RSPH4A: variants seen among roughly 807,000 people sequenced by gnomAD.
The protein encoded by RSPH4A is radial spoke head protein 4 homolog A.
A neutral mutation model predicts 71.0 loss-of-function variants in RSPH4A; 47 were observed. The ratio of observed to expected loss-of-function variants is 0.66; its 90% CI spans 0.52 to 0.84. The LOEUF (loss-of-function observed/expected upper bound fraction) is 0.84. Ranked by LOEUF, RSPH4A falls within the 40% of genes least tolerant of loss-of-function variation. The pLI, the probability that RSPH4A is intolerant of heterozygous loss-of-function variation, is 0.00. For synonymous variants in RSPH4A, 282 were observed against 302.3 expected, an observed-to-expected ratio of 0.93 and a Z score of 0.70; for missense variants, 793 against 855.2, an observed-to-expected ratio of 0.93 and a Z score of 0.91.
At position 116,632,297 on chromosome 6, in the gene RSPH4A, C is replaced by A; in HGVS notation, c.2007C>A (p.Tyr669Ter). The A allele has an allele frequency of 6.2e-7, 1 of 1,613,344 alleles. No homozygotes were observed. Among genetic ancestry groups the A allele is most frequent in the Non-Finnish European group, 8.5e-7 (1 of 1,179,894 alleles). ...TTCCACCACCAGTTTATCAAGAATA[C>A]CCCAGTGGACCAGAAATTACAGAAA... is the stretch of plus-strand genomic sequence containing the variant. ...PPVPPPVYQEYPSGPEITEMD... is the reference protein window; with the variant it reads ...PPVPPPVYQE Residue 669 changes from tyrosine to a stop codon, truncating the protein, a stop_gained, in exon 6 of 6, where the codon TAC becomes TAA. Transcript: ENST00000229554. LOFTEE classifies it high-confidence loss of function.
intron 2 of RSPH4A, 108 bp downstream of exon 2, chr6:116,623,110 G>GTT: frequency 1.3e-6 from 1 of 756,708 alleles, no homozygotes; most frequent in South Asian, 1.6e-5. Context: ...GTTTTGTTTT[G>GTT]TTTTGTTTTG....
intron 3 of RSPH4A, among the ~76,000 whole-genome samples, chr6:116,628,592 CTT>C (rs1022298250): frequency 1.1e-4 from 17 of 152,124 alleles, no homozygotes; most frequent in African/African-American, 3.9e-4. Flanking sequence ...TCCAAACAGA[CTT>C]TATTTTCTAT....
At position 116,617,324 on chromosome 6, in the gene RSPH4A, G is replaced by A; in HGVS notation, c.686+15G>A. 1.3e-6 allele frequency: 2 copies of A among 1,594,450 alleles called. No homozygotes were observed. Among genetic ancestry groups the A allele is most frequent in the Non-Finnish European group, 1.7e-6 (2 of 1,167,998 alleles). ...GGCTTTAATCTGTAAGTCTCAGAGG[G>A]AAAAAAGATAAATGTTTGGCAAAGC... On this transcript the variant is annotated intron_variant, in intron 1 of 5. Coordinates refer to ENST00000229554, the MANE Select transcript of RSPH4A (RefSeq NM_001010892.3).
At chr6:116,622,739 A>G (rs770339108) in intron 1 of RSPH4A, 29 bp from the exon 2 acceptor site, 1 of 1,354,998 alleles carries the variant, frequency 7.4e-7, no homozygotes, top group South Asian at 1.2e-5. Context: ...TGACATGTAT[A>G]TTATCTGGAA....
rs1775620292 is a variant in RSPH4A, at chr6:116,622,109, T to C, written c.687-659T>C. ...ATCACATTTCAATAAAGGTAAGTAA[T>C]ATTTAATGGCTTTTTTTGTTGTGTG... On this transcript the variant is annotated intron_variant, in intron 1 of 5. Coordinates refer to ENST00000229554, the MANE Select transcript of RSPH4A (RefSeq NM_001010892.3). Among the ~76,000 whole-genome samples, 3 of 152,244 alleles carry C rather than the reference T, an allele frequency of 2.0e-5. No individual in the cohort carries two copies. The South Asian group carries it at 6.2e-4, about 32-fold the overall frequency.
chr6:116,622,784 A>G lies in RSPH4A; in HGVS notation c.703A>G (p.Asn235Asp), dbSNP rs1775630410. The stretch of plus-strand genomic sequence containing the variant: ...TTTGGATAGATATGATCATCTTTCT[A>G]ATATGTTGACCAAGATATTAAATGA... ...SGFNLYDHLS[N>D]MLTKILNERP... Residue 235 changes from asparagine to aspartate, a missense_variant, in exon 2 of 6, where the codon AAT becomes GAT. Physicochemically the swap from Asn to Asp is conservative, Grantham distance 23. Transcript: ENST00000229554. The G allele has an allele frequency of 6.3e-7, 1 of 1,597,964 alleles. No individual in the cohort carries two copies. The highest frequency in any genetic ancestry group is 8.6e-7 in the Non-Finnish European group (1 of 1,165,526).
chr6:116,624,719 A>C (rs557888334), intron 2 of RSPH4A, among the ~76,000 whole-genome samples: 1 of 152,318 alleles, frequency 6.6e-6, no homozygotes, highest in Admixed American at 6.5e-5. Context: ...TAGAGTGTTC[A>C]CGTTTTTATT....
At chr6:116,623,464 CT>C (rs2115357115) in intron 2 of RSPH4A, among the ~76,000 whole-genome samples, 1 of 152,278 alleles carries the variant, frequency 6.6e-6, no homozygotes, top group East Asian at 1.9e-4. Flanking sequence ...TCTTTTCACA[CT>C]ACTCATTTCC....
intron 4 of RSPH4A, 140 bp from the exon 5 acceptor site, chr6:116,630,295 G>A (rs1180592760): frequency 1.7e-5 from 12 of 725,066 alleles, no homozygotes; most frequent in Non-Finnish European, 2.5e-5. Flanking sequence ...AGTTGCTGCT[G>A]TTTTTTCTTT....
At chr6:116,625,184 G>A (rs542844511) in intron 2 of RSPH4A, among the ~76,000 whole-genome samples, 1 of 152,280 alleles carries the variant, frequency 6.6e-6, no homozygotes, top group Admixed American at 6.5e-5. Flanking sequence ...TTGACAACAC[G>A]ATAAATGACA....
At chr6:116,631,815 C>G (rs1775809667) in intron 5 of RSPH4A, among the ~76,000 whole-genome samples, 1 of 152,192 alleles carries the variant, frequency 6.6e-6, no homozygotes, top group Non-Finnish European at 1.5e-5. Context: ...AGGTTTCTAA[C>G]CACAAGCCCA....
rs151279930 is a variant in RSPH4A at position 116,617,262 on chromosome 6, T to C, written c.639T>C (p.Asn213=). 19 of 1,613,850 alleles carry C rather than the reference T, an allele frequency of 1.2e-5. No individual in the cohort carries two copies. Among genetic ancestry groups the C allele is most frequent in the Non-Finnish European group, 1.6e-5 (19 of 1,179,892 alleles). The change falls in exon 1 of 6, where the codon AAT becomes AAC. Residue 213 remains asparagine, a synonymous_variant. Transcript: ENST00000229554. ...GCATGCTTGAGATCACCATTCAGAA[T>C]GCTAAGGCTTACCTGCTGAAGACTA... ...APSMLEITIQ[N]AKAYLLKTSS...
rs751056318 is a variant in RSPH4A, at chr6:116,632,195, TCTTA to T, written c.1917-7_1917-4del. 3 of 1,582,182 alleles carry T rather than the reference TCTTA, an allele frequency of 1.9e-6. No individual in the cohort carries two copies. Among genetic ancestry groups the T allele is most frequent in the Admixed American group, 1.7e-5 (1 of 58,766 alleles). Reference sequence around the variant, plus strand: ...AATGATCTTTTTTTCTTCTTCTTTTTCTTACTTATAGAAAGTTTGAAAATTTCTA... The same window carrying T: ...AATGATCTTTTTTTCTTCTTCTTTTTCTTATAGAAAGTTTGAAAATTTCTA... On this transcript the variant is annotated splice_region_variant and splice_polypyrimidine_tract_variant and intron_variant, in intron 5 of 5. Transcript: ENST00000229554.
chr6:116,631,611 C>G (rs977136990), intron 5 of RSPH4A, among the ~76,000 whole-genome samples: 1 of 152,144 alleles, frequency 6.6e-6, no homozygotes, highest in African/African-American at 2.4e-5. Context: ...TGCTGAAGGC[C>G]TCAGATAAAG....
At chr6:116,628,494 ATAAT>A in intron 3 of RSPH4A, 125 bp downstream of exon 3, 1 of 771,146 alleles carries the variant, frequency 1.3e-6, no homozygotes, top group South Asian at 1.7e-5. Context: ...AGGAAAAGAG[ATAAT>A]TAAAAACACA....
chr6:116,622,467 T>A (rs949138588), intron 1 of RSPH4A, among the ~76,000 whole-genome samples: 2 of 152,186 alleles, frequency 1.3e-5, no homozygotes, highest in Non-Finnish European at 2.9e-5. Context: ...ATTGGAATCA[T>A]TTCCTAAGGA....
At chr6:116,619,529 G>C (rs931803280) in intron 1 of RSPH4A, among the ~76,000 whole-genome samples, 1 of 151,884 alleles carries the variant, frequency 6.6e-6, no homozygotes, top group Non-Finnish European at 1.5e-5. Context: ...GATCTATTGG[G>C]GTGCTTCCTG....
chr6:116,631,945 C>T (rs1775811190), intron 5 of RSPH4A, among the ~76,000 whole-genome samples: 1 of 151,182 alleles, frequency 6.6e-6, no homozygotes, highest in African/African-American at 2.4e-5. Context: ...AAGGCTTTTG[C>T]TTGTGGTCTA....
In RSPH4A at chr6:116,632,278, C is replaced by A; in HGVS notation, c.1988C>A (p.Pro663Gln). The A allele has an allele frequency of 6.2e-7, 1 of 1,612,880 alleles. No homozygotes were observed. Among genetic ancestry groups the A allele is most frequent in the Admixed American group, 1.7e-5 (1 of 59,988 alleles). The change falls in exon 6 of 6, where the codon CCA (proline) becomes CAA (glutamine). Residue 663 changes from proline (P) to glutamine (Q), a missense_variant. Coordinates refer to ENST00000229554, the MANE Select transcript of RSPH4A (RefSeq NM_001010892.3). ...GACAATTATACACCCCCAGTTCCAC[C>A]ACCAGTTTATCAAGAATACCCCAGT... ...SPDNYTPPVP[P>Q]PVYQEYPSGP... is the part of the protein sequence containing the mutation.
Sources: allele counts gnomAD v4.1 joint callset (sites outside exome capture counted in the v4.1 genomes callset), GRCh38; gene constraint gnomAD v4.1.1; transcripts MANE v1.5; gene names NCBI Gene and HGNC (gene_info 2026-07-23, HGNC 2026-07-21).